Variants in NTN5 observed in about 807,000 individuals in gnomAD.
The protein encoded by NTN5 is netrin 5.
In NTN5, 42 loss-of-function variants were observed where a neutral mutation model predicts 38.7. The ratio of observed to expected loss-of-function variants is 1.08; its 90% CI spans 0.85 to 1.40. NTN5 has a LOEUF of 1.40. Ranked by LOEUF, NTN5 falls within the 40% of genes most tolerant of loss-of-function variation. The probability of loss-of-function intolerance (pLI) is 0.00; values close to 1 mark genes in which losing one functional copy is unlikely to be tolerated. For missense variants in NTN5, 658 were observed against 716.5 expected, an observed-to-expected ratio of 0.92 and a Z score of 0.93; for synonymous variants, 329 against 303.9, an observed-to-expected ratio of 1.08 and a Z score of -0.86.
intron 1 of NTN5, among the ~76,000 whole-genome samples, chr19:48,671,698 G>A (rs773855196): frequency 3.3e-5 from 5 of 152,022 alleles, no homozygotes; most frequent in African/African-American, 4.8e-5. Context: ...GTGAGAGACC[G>A]AGGCCCAGGC....
intron 6 of NTN5, 186 bp downstream of exon 6, chr19:48,663,277 G>A (rs1228322462): frequency 2.9e-6 from 2 of 697,750 alleles, no homozygotes; most frequent in Non-Finnish European, 2.6e-6. Context: ...GGTAGTGAAT[G>A]CCCCCTCCCC....
In NTN5 at chr19:48,670,468, G is replaced by A; in HGVS notation, c.519C>T (p.Pro173=). Residue 173 remains proline, a synonymous_variant, in exon 2 of 7, where the codon CCC becomes CCT. Coordinates refer to ENST00000270235, the MANE Select transcript of NTN5 (RefSeq NM_145807.4). ...AARCAARARP[P]RCHCRHHTTG... is the part of the protein sequence containing the mutation. ...TGGTATGGTGGCGGCAGTGGCAGCG[G>A]GGGGGCCGGGCACGGGCGGCACAGC... The A allele has an allele frequency of 1.4e-6, 2 of 1,475,900 alleles. No homozygotes were observed. The highest frequency in any genetic ancestry group is 2.5e-5 in the Admixed American group (1 of 39,450). The allele number at this position is 1,475,900 out of a possible 1,614,324, so 91.4% of individuals were successfully genotyped here.
intron 2 of NTN5, among the ~76,000 whole-genome samples, 154 bp downstream of exon 2, chr19:48,670,202 A>G (rs1162583125): frequency 6.6e-6 from 1 of 152,148 alleles, no homozygotes; most frequent in Non-Finnish European, 1.5e-5. Flanking sequence ...GACTGGCTGC[A>G]GGGAGGAGGT....
rs1238020273 is a variant in NTN5 at position 48,664,299 on chromosome 19, G to A, written c.821-7C>T. Reference sequence around the variant, plus strand: ...ATAGGGTGGCACTGGCAGGCTACATGAGCAGAGGAGCTGGGGGCATGGGGT... The same window carrying A: ...ATAGGGTGGCACTGGCAGGCTACATAAGCAGAGGAGCTGGGGGCATGGGGT... On this transcript the variant is annotated splice_region_variant and splice_polypyrimidine_tract_variant and intron_variant, in intron 3 of 6. Coordinates refer to ENST00000270235, the MANE Select transcript of NTN5 (RefSeq NM_145807.4). 6.2e-7 allele frequency: 1 copy of A among 1,611,650 alleles called. No homozygotes were observed. Among genetic ancestry groups the A allele is most frequent in the African/African-American group, 1.3e-5 (1 of 75,018 alleles).
chr19:48,667,778 C>G (rs2353015), intron 2 of NTN5, among the ~76,000 whole-genome samples: 13,853 of 152,120 alleles, frequency 0.091, 745 homozygotes, highest in Non-Finnish European at 0.13. Context: ...ATGGCTTGAA[C>G]CCCAGAGGCA....
At chr19:48,671,145 G>T in intron 1 of NTN5, 139 bp from the exon 2 acceptor site, 1 of 574,038 alleles carries the variant, frequency 1.7e-6, no homozygotes, top group Non-Finnish European at 2.9e-6. Context: ...GAGGAAAATA[G>T]TTCCATCTGG....
At position 48,661,718 on chromosome 19, in the gene NTN5, C is replaced by G; in HGVS notation, c.1429G>C (p.Gly477Arg). Residue 477 changes from glycine (G) to arginine (R), a missense_variant, in exon 7 of 7, where the codon GGC (glycine) becomes CGC (arginine). Coordinates refer to ENST00000270235, the MANE Select transcript of NTN5 (RefSeq NM_145807.4). ...GGACTGGGTGTGGGTGCCCGCACGC[C>G]GCGGCAGCCTCCGGCGCGCTCCTCC... ...QQEERAGGCR[G>R]VRAPTPSPRP... The G allele has an allele frequency of 6.4e-7, 1 of 1,555,524 alleles. No individual in the cohort carries two copies. Among genetic ancestry groups the G allele is most frequent in the South Asian group, 1.1e-5 (1 of 87,294 alleles).
In NTN5 at chr19:48,662,030, G is replaced by T; in HGVS notation, c.1117C>A (p.Gln373Lys). The change falls in exon 7 of 7, where the codon CAG (glutamine) becomes AAG (lysine). Residue 373 changes from glutamine (Q) to lysine (K), a missense_variant. Transcript: ENST00000270235. The part of the protein sequence containing the change: ...YCQQDHVLRA[Q>K]VLASEAAGPA... ...CCCGCCGCCTCGGACGCTAGCACCT[G>T]CGCGCGGAGAACTGTGGGGAGGGGA... is the stretch of plus-strand genomic sequence containing the variant. The T allele has an allele frequency of 6.8e-7, 1 of 1,480,988 alleles. No individual in the cohort carries two copies. The highest frequency in any genetic ancestry group is 1.3e-5 in the South Asian group (1 of 79,648). 91.7% of individuals were successfully genotyped at this position (1,480,988 alleles called of 1,614,324 possible).
intron 5 of NTN5, 109 bp from the exon 6 acceptor site, chr19:48,663,652 C>T (rs2031609640): frequency 6.6e-7 from 1 of 1,515,732 alleles, no homozygotes; most frequent in Non-Finnish European, 9.2e-7. Flanking sequence ...GTACCCAAAC[C>T]TTTGGGACTG....
chr19:48,664,054 C>T, intron 4 of NTN5, 89 bp downstream of exon 4: 1 of 1,460,222 alleles, frequency 6.8e-7, no homozygotes, highest in Non-Finnish European at 9.2e-7. Context: ...TTCCCAAGGC[C>T]CCAGCCCTCA....
At chr19:48,662,168 A>G in intron 6 of NTN5, 127 bp from the exon 7 acceptor site, 1 of 1,029,850 alleles carries the variant, frequency 9.7e-7, no homozygotes, top group Non-Finnish European at 1.3e-6. Flanking sequence ...CGCAGTGGGG[A>G]GAGAAACCTT....
chr19:48,665,076 C>T (rs1169219153), intron 2 of NTN5, among the ~76,000 whole-genome samples: 1 of 149,506 alleles, frequency 6.7e-6, no homozygotes, highest in African/African-American at 2.5e-5. Flanking sequence ...CCACACACAG[C>T]TAATTTTTTT....
chr19:48,666,597 C>CT (rs2031709205), intron 2 of NTN5, among the ~76,000 whole-genome samples: 1 of 151,152 alleles, frequency 6.6e-6, no homozygotes, highest in African/African-American at 2.4e-5. Context: ...CCTCCCTAGG[C>CT]TTTCTGATGG....
chr19:48,670,662 G>A lies in NTN5; in HGVS notation c.325C>T (p.Pro109Ser). The part of the protein sequence containing the change: ...GGPWRLLWHR[P>S]AWPGALGGPE... The stretch of plus-strand genomic sequence containing the variant: ...CCCCCTAAGGCCCCAGGCCAGGCGG[G>A]CCTGTGCCACAGCAGCCTCCAGGGA... Residue 109 changes from proline (P) to serine (S), a missense_variant, in exon 2 of 7, where the codon CCC becomes TCC. Transcript: ENST00000270235. 2.5e-6 allele frequency: 4 copies of A among 1,607,000 alleles called. No homozygotes were observed. Among genetic ancestry groups the A allele is most frequent in the Non-Finnish European group, 3.4e-6 (4 of 1,177,440 alleles).
chr19:48,661,912 G>C lies in NTN5; in HGVS notation c.1235C>G (p.Pro412Arg), dbSNP rs1481728681. The change falls in exon 7 of 7, where the codon CCC (proline) becomes CGC (arginine). Residue 412 changes from proline (P) to arginine (R), a missense_variant. Physicochemically the swap from Pro to Arg is moderately radical, Grantham distance 103 (BLOSUM62 -2). Transcript: ENST00000270235. ...GCAGCCGCAGGTCAGGTCGGCGCGGGGCACCCAGGCGTCCTGGTCGCCGCG... is the reference window on the plus strand; with the variant it reads ...GCAGCCGCAGGTCAGGTCGGCGCGGCGCACCCAGGCGTCCTGGTCGCCGCG... The part of the protein sequence containing the change: ...VRRGDQDAWV[P>R]RADLTCGCLR... The C allele has an allele frequency of 1.5e-6, 2 of 1,360,774 alleles. No homozygotes were observed. The highest frequency in any genetic ancestry group is 3.5e-5 in the East Asian group (1 of 28,416). The allele number at this position is 1,360,774 out of a possible 1,614,324, so 84.3% of individuals were successfully genotyped here.
At position 48,661,717 on chromosome 19, in the gene NTN5, C is replaced by T. The variant is rs759554123; in HGVS notation, c.1430G>A (p.Gly477Asp). The T allele has an allele frequency of 6.4e-7, 1 of 1,556,092 alleles. No homozygotes were observed. The highest frequency in any genetic ancestry group is 1.1e-5 in the South Asian group (1 of 87,326). The change falls in exon 7 of 7, where the codon GGC becomes GAC. Residue 477 changes from glycine (G) to aspartate (D), a missense_variant. Transcript: ENST00000270235. ...GGGACTGGGTGTGGGTGCCCGCACG[C>T]CGCGGCAGCCTCCGGCGCGCTCCTC... ...QQEERAGGCR[G>D]VRAPTPSPRP... is the part of the protein sequence containing the mutation.
At chr19:48,662,123 C>G (rs1042702360) in intron 6 of NTN5, 82 bp from the exon 7 acceptor site, 3 of 1,294,840 alleles carry the variant, frequency 2.3e-6, no homozygotes, top group Non-Finnish European at 3.0e-6. Flanking sequence ...TCACAGTGGG[C>G]AGGAGCCCGA....
At position 48,661,721 on chromosome 19, in the gene NTN5, G is replaced by C. The variant is rs533570940; in HGVS notation, c.1426C>G (p.Arg476Gly). ...CTGGGTGTGGGTGCCCGCACGCCGC[G>C]GCAGCCTCCGGCGCGCTCCTCCTGC... ...LQQEERAGGC[R>G]GVRAPTPSPR... Residue 476 changes from arginine to glycine, a missense_variant, in exon 7 of 7, where the codon CGC becomes GGC. Physicochemically the swap from Arg to Gly is moderately radical, Grantham distance 125. Transcript: ENST00000270235. 77 of 1,553,392 alleles carry C rather than the reference G, an allele frequency of 5.0e-5. No homozygotes were observed. In the South Asian group the frequency reaches 7.9e-4, roughly 16 times the overall value.
In NTN5 at chr19:48,663,515, C is replaced by A. The variant is rs1227095994; in HGVS notation, c.1053G>T (p.Met351Ile). 1.2e-6 allele frequency: 2 copies of A among 1,614,202 alleles called. No homozygotes were observed. Among genetic ancestry groups the A allele is most frequent in the Admixed American group, 1.7e-5 (1 of 60,022 alleles). ...GGCTCATGTGTACCCTGGTGTCCGA[C>A]ATATTGCAGTAGTTTTGACACTGAG... is the stretch of plus-strand genomic sequence containing the variant. ...SDPQCQNYCN[M>I]SDTRVHMSLR... The change falls in exon 6 of 7, where the codon ATG (methionine) becomes ATT (isoleucine). Residue 351 changes from methionine (M) to isoleucine (I), a missense_variant. Transcript: ENST00000270235.
Sources: allele counts gnomAD v4.1 joint callset (sites outside exome capture counted in the v4.1 genomes callset), GRCh38; gene constraint gnomAD v4.1.1; transcripts MANE v1.5; gene names NCBI Gene and HGNC (gene_info 2026-07-23, HGNC 2026-07-21).